The following CLCN1 variants were observed in gnomAD, a reference collection of about 807,000 sequenced individuals.
CLCN1 encodes the protein chloride voltage-gated channel 1, also known as chloride channel protein 1.
In CLCN1, 100 loss-of-function variants were observed where a neutral mutation model predicts 114.5. That is an observed-to-expected ratio of 0.87 (90% CI 0.74 to 1.03). The LOEUF is 1.03. Ranked by LOEUF, CLCN1 falls within the 50% of genes least tolerant of loss-of-function variation. The pLI, the probability that CLCN1 is intolerant of heterozygous loss-of-function variation, is 0.00. For synonymous variants in CLCN1, 485 were observed against 487.1 expected, an observed-to-expected ratio of 1.00 and a Z score of 0.06; for missense variants, 1,188 against 1,250.0, an observed-to-expected ratio of 0.95 and a Z score of 0.75.
At chr7:143,332,323 A>G in intron 10 of CLCN1, 96 bp from the exon 11 acceptor site, 3 of 916,182 alleles carry the variant, frequency 3.3e-6, no homozygotes, top group Non-Finnish European at 5.5e-6. Flanking sequence ...AAATGAGACT[A>G]CGGTGGACTA....
At chr7:143,336,623 A>AAAG (rs1282825732) in intron 12 of CLCN1, among the ~76,000 whole-genome samples, 1,944 of 115,114 alleles carry the variant, frequency 0.017, 21 homozygotes, top group African/African-American at 0.025. Context: ...AAAAAAAAAA[A>AAAG]AAGAAGAAGA....
chr7:143,343,152 G>A (rs555171401), intron 16 of CLCN1, among the ~76,000 whole-genome samples: 1 of 152,284 alleles, frequency 6.6e-6, no homozygotes, highest in Non-Finnish European at 1.5e-5. Flanking sequence ...CACAGATATT[G>A]TGGATTAATT....
chr7:143,341,026 C>G (rs1880650), intron 14 of CLCN1, among the ~76,000 whole-genome samples: 134,843 of 152,184 alleles, frequency 0.89, 59,894 homozygotes, highest in African/African-American at 0.94. Flanking sequence ...GATCTACAAG[C>G]GCCTTAGAAA....
chr7:143,342,833 TG>T (rs1421654152), intron 16 of CLCN1, among the ~76,000 whole-genome samples: 3 of 151,928 alleles, frequency 2.0e-5, no homozygotes, highest in East Asian at 3.9e-4. Context: ...CTAGGTGTGG[TG>T]GTGCATGCCT....
At chr7:143,343,879 G>A (rs1203138905) in intron 16 of CLCN1, among the ~76,000 whole-genome samples, 2 of 149,370 alleles carry the variant, frequency 1.3e-5, no homozygotes, top group Admixed American at 1.3e-4. Flanking sequence ...TCACTCTGTT[G>A]CCCAGGCAGG....
At position 143,345,773 on chromosome 7, in the gene CLCN1, C is replaced by T. The variant is rs751961122; in HGVS notation, c.2172+11C>T. The T allele has an allele frequency of 2.6e-6, 4 of 1,540,332 alleles. No homozygotes were observed. The Admixed American group carries it at 5.3e-5, about 20-fold the overall frequency. ...TCTGGCAAGAGCGAGGTGACCGCGC[C>T]GGGAAGGGCTAGGGAGTGGGATAGA... On this transcript the variant is annotated intron_variant, in intron 17 of 22. Transcript: ENST00000343257.
chr7:143,334,328 C>G (rs188403716), intron 12 of CLCN1, among the ~76,000 whole-genome samples: 1 of 151,968 alleles, frequency 6.6e-6, no homozygotes, highest in African/African-American at 2.4e-5. Flanking sequence ...TTAGAGTTCT[C>G]ATTTATAAGT....
In CLCN1 at chr7:143,350,246, A is replaced by G. The variant is rs1378680154; in HGVS notation, c.2404-126A>G. On this transcript the variant is annotated intron_variant, in intron 20 of 22. Transcript: ENST00000343257. The surrounding 1 kb of genome is among the most constrained non-coding windows in gnomAD (Gnocchi z 5.1). Reference sequence around the variant, plus strand: ...GGAGGTCCTCTGATCTGGGGGATCTATGATCAGTTCTTGCATGTTCCCAGA... The same window carrying G: ...GGAGGTCCTCTGATCTGGGGGATCTGTGATCAGTTCTTGCATGTTCCCAGA... 1.1e-5 allele frequency: 8 copies of G among 740,236 alleles called. No homozygotes were observed. The highest frequency in any genetic ancestry group is 1.7e-5 in the Non-Finnish European group (7 of 410,932). The allele number at this position is 740,236 out of a possible 1,614,324, so 45.9% of individuals were successfully genotyped here.
At chr7:143,329,312 ATC>A (rs1453576695) in intron 7 of CLCN1, among the ~76,000 whole-genome samples, 1 of 152,196 alleles carries the variant, frequency 6.6e-6, no homozygotes, top group African/African-American at 2.4e-5. Flanking sequence ...GTAAAGAAAT[ATC>A]TGGATCTGAA....
In CLCN1 at chr7:143,346,471, T is replaced by C. The variant is rs1242860226; in HGVS notation, c.2285-108T>C. ...TAGGAGGGTAGAAGAGAGGGTGAGG[T>C]ACCTGGGAAGTGCAGCTCTTTGGAG... On this transcript the variant is annotated intron_variant, in intron 18 of 22. Transcript: ENST00000343257. The C allele has an allele frequency of 7.0e-6, 6 of 857,946 alleles. No individual in the cohort carries two copies. The Admixed American group carries it at 8.7e-5, about 13-fold the overall frequency. 53.1% of individuals were successfully genotyped at this position (857,946 alleles called of 1,614,324 possible). A position where few individuals can be genotyped will look rare whatever the true frequency, so the allele number is the denominator to read the frequency against.
intron 14 of CLCN1, among the ~76,000 whole-genome samples, chr7:143,340,262 C>T (rs1213606562): frequency 2.6e-5 from 4 of 152,154 alleles, no homozygotes; most frequent in East Asian, 1.9e-4. Flanking sequence ...TCACTTGGTA[C>T]GCTGCTCCCC....
chr7:143,326,923 C>T (rs1802589426), intron 7 of CLCN1, among the ~76,000 whole-genome samples: 1 of 152,086 alleles, frequency 6.6e-6, no homozygotes, highest in Non-Finnish European at 1.5e-5. Flanking sequence ...TTGGAAAATG[C>T]TTGGTTAAAG....
In CLCN1 at chr7:143,320,736, G is replaced by A. The variant is rs1802406774; in HGVS notation, c.374G>A (p.Gly125Glu). Reference sequence around the variant, plus strand: ...GACGGGATCTTTCTGGTGCTTCTGGGACTGCTGATGGCTCTGGTCAGCTGG... The same window carrying A: ...GACGGGATCTTTCTGGTGCTTCTGGAACTGCTGATGGCTCTGGTCAGCTGG... ...GEDGIFLVLLGLLMALVSWSM... is the reference protein window; with the variant it reads ...GEDGIFLVLLELLMALVSWSM... The change falls in exon 3 of 23, where the codon GGA becomes GAA. Residue 125 changes from glycine to glutamate, a missense_variant. Gly to Glu is a moderately conservative substitution (Grantham distance 98). Coordinates refer to ENST00000343257, the MANE Select transcript of CLCN1 (RefSeq NM_000083.3). 1 of 1,613,694 alleles carries A rather than the reference G, an allele frequency of 6.2e-7. No homozygotes were observed. The highest frequency in any genetic ancestry group is 8.5e-7 in the Non-Finnish European group (1 of 1,179,674).
chr7:143,344,725 T>G (rs1405825122), intron 16 of CLCN1, among the ~76,000 whole-genome samples: 1 of 150,162 alleles, frequency 6.7e-6, no homozygotes, highest in Non-Finnish European at 1.5e-5. Context: ...TCAGGAAAAG[T>G]AGGCATTTTG....
At chr7:143,347,643 A>AT (rs1181481047) in intron 20 of CLCN1, among the ~76,000 whole-genome samples, 1 of 143,174 alleles carries the variant, frequency 7.0e-6, no homozygotes, top group Non-Finnish European at 1.5e-5. Context: ...AAAAAAAAAA[A>AT]CTAAAATGGA....
intron 5 of CLCN1, among the ~76,000 whole-genome samples, chr7:143,322,535 GT>G (rs1802468814): frequency 6.6e-6 from 1 of 152,282 alleles, no homozygotes; most frequent in East Asian, 1.9e-4. Flanking sequence ...TGTTGTTGTT[GT>G]TGTTGAGACA....
chr7:143,349,472 C>G (rs1322899723), intron 20 of CLCN1, among the ~76,000 whole-genome samples: 1 of 152,166 alleles, frequency 6.6e-6, no homozygotes, highest in Non-Finnish European at 1.5e-5. Flanking sequence ...TCAGAGGATA[C>G]TGACTGAAAA....
Position 143,316,393 on chromosome 7 carries a change from G to T in CLCN1, c.180+1G>T. 1.2e-6 allele frequency: 2 copies of T among 1,612,490 alleles called. No homozygotes were observed. The highest frequency in any genetic ancestry group is 8.5e-7 in the Non-Finnish European group (1 of 1,179,928). On this transcript the variant is annotated splice_donor_variant, in intron 1 of 22. Coordinates refer to ENST00000343257, the MANE Select transcript of CLCN1 (RefSeq NM_000083.3). LOFTEE classifies it high-confidence loss of function. ...CCGCCACAACGTCCACCCCACACAG[G>T]TAAAGTGCTCTAAGGGGAGAGGGGA...
chr7:143,344,504 C>G (rs953587071), intron 16 of CLCN1, among the ~76,000 whole-genome samples: 17 of 152,036 alleles, frequency 1.1e-4, no homozygotes, highest in African/African-American at 3.9e-4. Context: ...AATATTTTCC[C>G]AAATCTCATA....
Sources: allele counts gnomAD v4.1 joint callset (sites outside exome capture counted in the v4.1 genomes callset), GRCh38; gene constraint gnomAD v4.1.1; non-coding constraint Gnocchi (gnomAD v3.1); transcripts MANE v1.5; gene names NCBI Gene and HGNC (gene_info 2026-07-23, HGNC 2026-07-21).